CDCP1: variants seen among roughly 807,000 people sequenced by gnomAD.
CDCP1 encodes the protein CUB domain-containing protein 1.
CDCP1 carries 29 observed loss-of-function variants against 60.2 expected under a neutral mutation model. That is an observed-to-expected ratio of 0.48 (90% CI 0.36 to 0.66). The LOEUF is 0.66. Ranked by LOEUF, CDCP1 falls within the 30% of genes least tolerant of loss-of-function variation. The pLI is 0.00. For missense variants in CDCP1, 876 were observed against 1,074.3 expected (o/e 0.82, Z 2.58); for synonymous variants, 387 against 431.1 (o/e 0.90, Z 1.27).
intron 1 of CDCP1, among the ~76,000 whole-genome samples, chr3:45,138,312 C>T (rs1391716600): frequency 2.6e-5 from 4 of 152,202 alleles, no homozygotes; most frequent in South Asian, 4.1e-4. Flanking sequence ...TCCCCAAAGT[C>T]GACTGCACTG....
intron 2 of CDCP1, among the ~76,000 whole-genome samples, chr3:45,114,427 T>C (rs1224572264): frequency 6.6e-6 from 1 of 151,780 alleles, no homozygotes; most frequent in Non-Finnish European, 1.5e-5. Context: ...TTTTTTTTTT[T>C]CTTTTTGGAG....
intron 1 of CDCP1, among the ~76,000 whole-genome samples, chr3:45,139,762 A>G (rs1699252626): frequency 6.6e-6 from 1 of 152,152 alleles, no homozygotes; most frequent in Admixed American, 6.5e-5. Flanking sequence ...GAGTTCCAGT[A>G]TGAGCAGCAG....
intron 4 of CDCP1, among the ~76,000 whole-genome samples, chr3:45,105,936 C>T (rs751934064): frequency 1.3e-5 from 2 of 152,124 alleles, no homozygotes; most frequent in Non-Finnish European, 2.9e-5. Flanking sequence ...CTCAGACACC[C>T]GTGGTTTGCA....
In CDCP1 at chr3:45,126,108, CTCTTTCTT is replaced by C. The variant is rs72581928; in HGVS notation, c.83-7495_83-7488del. Among the ~76,000 whole-genome samples the C allele has an allele frequency of 5.5e-3, 600 of 110,010 alleles. 5 individuals are homozygous for C. Among genetic ancestry groups the C allele is most frequent in the Middle Eastern group, 0.026 (6 of 232 alleles). The allele number at this position is 110,010 out of a possible 152,430, so 72.2% of individuals were successfully genotyped here. On this transcript the variant is annotated intron_variant, in intron 1 of 8. Coordinates refer to ENST00000296129, the MANE Select transcript of CDCP1 (RefSeq NM_022842.5). ...AACTGCTGCCATTCTTTGTCTCTCT[CTCTTTCTT>C]TCTTTCTTTCTTTCTTTCTTTCTTT...
At position 45,115,465 on chromosome 3, in the gene CDCP1, T is replaced by C. The variant is rs77888667; in HGVS notation, c.292+2947A>G. ...TAGCATCAAACTATATAAACTATTG[T>C]CCTACTATAAGCTGCATTGTTTTTA... On this transcript the variant is annotated intron_variant, in intron 2 of 8. Transcript: ENST00000296129. 3.9e-5 allele frequency among the ~76,000 whole-genome samples: 6 copies of C among 152,322 alleles called. No homozygotes were observed. In the East Asian group the frequency reaches 7.7e-4, roughly 20 times the overall value.
chr3:45,130,133 T>A (rs1699062831), intron 1 of CDCP1, among the ~76,000 whole-genome samples: 1 of 151,942 alleles, frequency 6.6e-6, no homozygotes, highest in Non-Finnish European at 1.5e-5. Flanking sequence ...ACTTTTTTTT[T>A]TTTTTTGAGA....
chr3:45,146,209 C>A lies in CDCP1; in HGVS notation c.79G>T (p.Ala27Ser). Residue 27 changes from alanine (A) to serine (S), a missense_variant, in exon 1 of 9, where the codon GCA (alanine) becomes TCA (serine). Coordinates refer to ENST00000296129, the MANE Select transcript of CDCP1 (RefSeq NM_022842.5). ...GCCTCCAAAGCCCGGCACTCACCTGCCCCGCGCGGCAGGCGCGCCGCACCC... is the reference window on the plus strand; with the variant it reads ...GCCTCCAAAGCCCGGCACTCACCTGACCCGCGCGGCAGGCGCGCCGCACCC... ...LLGAARLPRG[A>S]EAFEIALPRE... 6.3e-7 allele frequency: 1 copy of A among 1,593,630 alleles called. No homozygotes were observed. The highest frequency in any genetic ancestry group is 8.5e-7 in the Non-Finnish European group (1 of 1,172,468).
chr3:45,107,535 C>T (rs1389692956), intron 4 of CDCP1, among the ~76,000 whole-genome samples: 1 of 152,126 alleles, frequency 6.6e-6, no homozygotes, highest in Non-Finnish European at 1.5e-5. Context: ...CCCTGCATGC[C>T]TGCCTTGACC....
rs1191215047 is a variant in CDCP1, at chr3:45,083,256, C to T, written c.*2382G>A. The T allele has an allele frequency of 6.6e-6, 1 of 152,172 alleles. No homozygotes were observed. The highest frequency in any genetic ancestry group is 1.5e-5 in the Non-Finnish European group (1 of 68,038). 9.4% of individuals were successfully genotyped at this position (152,172 alleles called of 1,614,324 possible). ...AGGGTCAGCATCTCGGCTCACAAGGCCAAGGGTCACTGGGCAGGAACCAGA... is the reference window on the plus strand; with the variant it reads ...AGGGTCAGCATCTCGGCTCACAAGGTCAAGGGTCACTGGGCAGGAACCAGA... On this transcript the variant is annotated 3_prime_UTR_variant, in exon 9 of 9. Transcript: ENST00000296129.
At chr3:45,101,655 G>A (rs1698486283) in intron 4 of CDCP1, among the ~76,000 whole-genome samples, 1 of 152,186 alleles carries the variant, frequency 6.6e-6, no homozygotes, top group Non-Finnish European at 1.5e-5. Context: ...GGGAGGCCGA[G>A]GTGGGCAGAT....
Position 45,108,948 on chromosome 3 carries a change from TATA to T in CDCP1, c.1024+1522_1024+1524del, listed in dbSNP as rs1698635769. ...ATATGCATGTATACATATATATATA[TATA>T]TATTTTTTTTTTTTTTGAGATGGAG... On this transcript the variant is annotated intron_variant, in intron 4 of 8. Coordinates refer to ENST00000296129, the MANE Select transcript of CDCP1 (RefSeq NM_022842.5). 4.5e-5 allele frequency among the ~76,000 whole-genome samples: 3 copies of T among 66,348 alleles called. 1 individual carries two copies. Among genetic ancestry groups the T allele is most frequent in the South Asian group, 6.7e-4 (1 of 1,500 alleles). 43.5% of individuals were successfully genotyped at this position (66,348 alleles called of 152,430 possible). A position where few individuals can be genotyped will look rare whatever the true frequency, so the allele number is the denominator to read the frequency against.
rs1397321740 is a variant in CDCP1, at chr3:45,084,602, T to TAG, written c.*1034_*1035dup. On this transcript the variant is annotated 3_prime_UTR_variant, in exon 9 of 9. Transcript: ENST00000296129. ...AAATGGCAAGGAACCGGCTTCTCCC[T>TAG]AGAGCCTTCAGAAGGAGCACAGCTC... 6.6e-6 allele frequency: 1 copy of TAG among 152,426 alleles called. No homozygotes were observed. The allele number at this position is 152,426 out of a possible 1,614,324, so 9.4% of individuals were successfully genotyped here.
intron 4 of CDCP1, among the ~76,000 whole-genome samples, chr3:45,105,957 AGCTGAAGCTAT>A (rs1247776382): frequency 1.3e-5 from 2 of 152,202 alleles, no homozygotes; most frequent in Non-Finnish European, 2.9e-5. Context: ...CACTGTGGGC[AGCTGAAGCTAT>A]CACTGCTTAC....
Position 45,085,810 on chromosome 3 carries a change from C to G in CDCP1, c.2339G>C (p.Cys780Ser). 6.8e-6 allele frequency: 11 copies of G among 1,614,088 alleles called. No individual in the cohort carries two copies. Among genetic ancestry groups the G allele is most frequent in the Non-Finnish European group, 9.3e-6 (11 of 1,180,010 alleles). The change falls in exon 9 of 9, where the codon TGC becomes TCC. Residue 780 changes from cysteine (C) to serine (S), a missense_variant. By Grantham distance (112) the Cys-to-Ser change is moderately radical (BLOSUM62 -1). Around this residue, in one of 2 missense-constraint regions of CDCP1, gnomAD observed 726 missense variants for 935.7 expected, o/e 0.78. Transcript: ENST00000296129. The surrounding 1 kb of genome is among the most constrained non-coding windows in gnomAD (Gnocchi z 4.2). ...GVCPPSPPTI[C>S]SRAPTAKLAT... ...CAACTTTGCAGTTGGGGCCCTGGAG[C>G]ATATGGTGGGTGGGGAGGGAGGACA...
At chr3:45,089,012 G>A in intron 8 of CDCP1, 42 bp downstream of exon 8, 1 of 1,434,748 alleles carries the variant, frequency 7.0e-7, no homozygotes, top group Non-Finnish European at 9.8e-7. Flanking sequence ...GTGATCTGAG[G>A]AGGCATCAAA....
Position 45,093,348 on chromosome 3 carries a change from G to T in CDCP1, c.1556C>A (p.Thr519Asn), listed in dbSNP as rs761817189. ...VKQNISVTLR[T>N]FAPSFQQEAS... Reference sequence around the variant, plus strand: ...CTCTTGTTGGAAGCTGGGGGCAAAGGTGCGAAGGGTCACCGAGATGTTCTG... The same window carrying T: ...CTCTTGTTGGAAGCTGGGGGCAAAGTTGCGAAGGGTCACCGAGATGTTCTG... Residue 519 changes from threonine to asparagine, a missense_variant, in exon 6 of 9, where the codon ACC becomes AAC. Thr to Asn is a moderately conservative substitution (Grantham distance 65). Coordinates refer to ENST00000296129, the MANE Select transcript of CDCP1 (RefSeq NM_022842.5). The T allele has an allele frequency of 3.1e-6, 5 of 1,614,226 alleles. No homozygotes were observed. The East Asian group carries it at 6.7e-5, about 22-fold the overall frequency.
intron 1 of CDCP1, among the ~76,000 whole-genome samples, chr3:45,135,311 C>A (rs986191641): frequency 2.4e-4 from 35 of 146,074 alleles, no homozygotes; most frequent in Middle Eastern, 3.5e-3. Context: ...AAAAAAAAAA[C>A]AAAAAACAGA....
chr3:45,115,036 G>C (rs1698760669), intron 2 of CDCP1, among the ~76,000 whole-genome samples: 1 of 152,072 alleles, frequency 6.6e-6, no homozygotes, highest in African/African-American at 2.4e-5. Flanking sequence ...TCACTTTATT[G>C]GTTTAACTGA....
At chr3:45,110,877 G>C (rs1178175670) in intron 3 of CDCP1, 36 bp from the exon 4 acceptor site, 1 of 1,585,238 alleles carries the variant, frequency 6.3e-7, no homozygotes, top group African/African-American at 1.3e-5. Context: ...AAAGAATAGG[G>C]AGCCATTAGA....
Sources: gnomAD v4.1 joint callset for allele counts (sites outside exome capture counted in the v4.1 genomes callset) on GRCh38, gnomAD v4.1.1 for gene constraint, gnomAD v4.1.1 regional missense constraint, Gnocchi (gnomAD v3.1) non-coding constraint, MANE v1.5 for transcripts, NCBI Gene and HGNC (gene_info 2026-07-23, HGNC 2026-07-21) for gene names.